CNTNAP2: variants seen among roughly 807,000 people sequenced by gnomAD.
The protein encoded by CNTNAP2 is contactin-associated protein-like 2.
A neutral mutation model predicts 155.2 loss-of-function variants in CNTNAP2; 98 were observed. That is an observed-to-expected ratio of 0.63 (90% CI 0.54 to 0.75). The LOEUF (loss-of-function observed/expected upper bound fraction) is 0.75. Ranked by LOEUF, CNTNAP2 falls within the 30% of genes least tolerant of loss-of-function variation. The pLI, the probability that CNTNAP2 is intolerant of heterozygous loss-of-function variation, is 0.00. For missense variants in CNTNAP2, 1,727 were observed against 1,688.1 expected (o/e 1.02, Z -0.40); for synonymous variants, 651 against 631.2 (o/e 1.03, Z -0.47).
chr7:147,299,600 A>G (rs1183702392), intron 8 of CNTNAP2, among the ~76,000 whole-genome samples: 1 of 152,208 alleles, frequency 6.6e-6, no homozygotes, highest in African/African-American at 2.4e-5. Context: ...TACTTACCAA[A>G]TGTGTTTATT....
intron 14 of CNTNAP2, among the ~76,000 whole-genome samples, chr7:147,939,613 C>T (rs1348854789): frequency 6.6e-6 from 1 of 152,176 alleles, no homozygotes; most frequent in Non-Finnish European, 1.5e-5. Context: ...AGGCGTGAGC[C>T]ACCACGCCTG....
intron 13 of CNTNAP2, among the ~76,000 whole-genome samples, chr7:147,697,864 G>A (rs1481366335): frequency 6.6e-6 from 1 of 152,128 alleles, no homozygotes; most frequent in African/African-American, 2.4e-5. Context: ...GAAGCAAAAG[G>A]GACTCTTTTC....
chr7:148,386,609 A>T (rs1481612426), intron 22 of CNTNAP2, among the ~76,000 whole-genome samples: 1 of 152,204 alleles, frequency 6.6e-6, no homozygotes, highest in African/African-American at 2.4e-5. Flanking sequence ...AACATGAGAG[A>T]CAATGTGGGT....
At chr7:146,258,911 T>C (rs186521884) in intron 1 of CNTNAP2, among the ~76,000 whole-genome samples, 7 of 152,318 alleles carry the variant, frequency 4.6e-5, no homozygotes, top group Admixed American at 4.6e-4. Context: ...CTGAGTGATA[T>C]GGTTTGGCTC....
At chr7:147,524,670 T>G (rs1277084185) in intron 11 of CNTNAP2, among the ~76,000 whole-genome samples, 1 of 152,146 alleles carries the variant, frequency 6.6e-6, no homozygotes, top group East Asian at 1.9e-4. Flanking sequence ...AATTGAAAAC[T>G]CTGCTTGAGG....
chr7:147,149,412 A>T (rs1444565862), intron 8 of CNTNAP2, among the ~76,000 whole-genome samples: 1 of 152,186 alleles, frequency 6.6e-6, no homozygotes, highest in Non-Finnish European at 1.5e-5. Flanking sequence ...TCCCCACTCG[A>T]CCCAGGAAGT....
At chr7:148,298,340 G>A (rs548811718) in intron 21 of CNTNAP2, among the ~76,000 whole-genome samples, 2 of 152,284 alleles carry the variant, frequency 1.3e-5, no homozygotes, top group African/African-American at 2.4e-5. Flanking sequence ...TTGGAGATAC[G>A]TTTTTAAGTC....
At chr7:146,391,770 TG>T (rs68035933) in intron 1 of CNTNAP2, among the ~76,000 whole-genome samples, 20,263 of 152,038 alleles carry the variant, frequency 0.13, 1,654 homozygotes, top group African/African-American at 0.23. Context: ...TTGTTGTTGT[TG>T]TTGTTGGCTA....
intron 10 of CNTNAP2, among the ~76,000 whole-genome samples, chr7:147,476,597 CTT>C (rs1447756502): frequency 1.3e-5 from 2 of 151,842 alleles, no homozygotes; most frequent in Non-Finnish European, 2.9e-5. Context: ...TACCCATAAA[CTT>C]TTCCTAGTCT....
At chr7:147,415,868 A>G (rs1218846695) in intron 10 of CNTNAP2, among the ~76,000 whole-genome samples, 2 of 152,208 alleles carry the variant, frequency 1.3e-5, no homozygotes, top group African/African-American at 4.8e-5. Context: ...GCCAAGGTGC[A>G]TGGTCACCTT....
chr7:147,979,064 A>G (rs1026110751), intron 15 of CNTNAP2, among the ~76,000 whole-genome samples: 1 of 152,206 alleles, frequency 6.6e-6, no homozygotes, highest in African/African-American at 2.4e-5. Flanking sequence ...ACTCAAAGAG[A>G]TGTCCTAAGG....
At position 146,905,950 on chromosome 7, in the gene CNTNAP2, C is replaced by T. The variant is rs368523369; in HGVS notation, c.402+66046C>T. ...AGGCCAGTGGGTGCACGCACCACAC[C>T]GTGCGCGAGCCGAAGCAGGGCGAGG... On this transcript the variant is annotated intron_variant, in intron 3 of 23. Transcript: ENST00000361727. Among the ~76,000 whole-genome samples, 10 of 152,266 alleles carry T rather than the reference C, an allele frequency of 6.6e-5. No homozygotes were observed. The South Asian group carries it at 1.2e-3, about 19-fold the overall frequency.
chr7:146,484,218 G>A (rs527321171), intron 1 of CNTNAP2, among the ~76,000 whole-genome samples: 1 of 152,136 alleles, frequency 6.6e-6, no homozygotes, highest in Non-Finnish European at 1.5e-5. Context: ...GTACCATTTA[G>A]GTTTGGTTAA....
intron 1 of CNTNAP2, among the ~76,000 whole-genome samples, chr7:146,680,549 A>G (rs1477409742): frequency 6.6e-6 from 1 of 152,200 alleles, no homozygotes; most frequent in Non-Finnish European, 1.5e-5. Context: ...TAGTGTTCTC[A>G]GAAGTCATTC....
intron 12 of CNTNAP2, among the ~76,000 whole-genome samples, chr7:147,609,760 G>A (rs1303426824): frequency 6.6e-6 from 1 of 152,054 alleles, no homozygotes; most frequent in Non-Finnish European, 1.5e-5. Flanking sequence ...ACACAAATTT[G>A]TTACCTACAG....
chr7:147,507,830 C>T lies in CNTNAP2; in HGVS notation c.1777+21789C>T, dbSNP rs563476556. Among the ~76,000 whole-genome samples, 102 of 152,158 alleles carry T rather than the reference C, an allele frequency of 6.7e-4. 1 individual carries two copies. The East Asian group carries it at 8.2e-3, about 12-fold the overall frequency. ...CCTCCCAAAGTGCTGAGATTACAGG[C>T]GTGAGCCACCGCGCCTGGCCACTTT... On this transcript the variant is annotated intron_variant, in intron 11 of 23. Coordinates refer to ENST00000361727, the MANE Select transcript of CNTNAP2 (RefSeq NM_014141.6).
At chr7:146,234,924 T>C (rs1799446892) in intron 1 of CNTNAP2, among the ~76,000 whole-genome samples, 1 of 152,196 alleles carries the variant, frequency 6.6e-6, no homozygotes, top group Non-Finnish European at 1.5e-5. Context: ...TCTGTGATAA[T>C]ATTGAAATTG....
rs539829601 is a variant in CNTNAP2 at position 147,621,306 on chromosome 7, G to A, written c.1898-17800G>A. On this transcript the variant is annotated intron_variant, in intron 12 of 23. Coordinates refer to ENST00000361727, the MANE Select transcript of CNTNAP2 (RefSeq NM_014141.6). ...AATCACCTGAAAGTACAAACTCACT[G>A]GTAATATTAAGTACACAGAAAAACA... 1.2e-3 allele frequency among the ~76,000 whole-genome samples: 175 copies of A among 151,986 alleles called. 1 individual carries two copies. Among genetic ancestry groups the A allele is most frequent in the Non-Finnish European group, 9.9e-4 (67 of 67,906 alleles).
intron 5 of CNTNAP2, among the ~76,000 whole-genome samples, chr7:147,120,668 C>T (rs1049391485): frequency 6.6e-6 from 1 of 150,580 alleles, no homozygotes; most frequent in Non-Finnish European, 1.5e-5. Context: ...TTTTAGGGTA[C>T]ATGTGCACAA....
Sources: gnomAD v4.1 joint callset for allele counts (sites outside exome capture counted in the v4.1 genomes callset) on GRCh38, gnomAD v4.1.1 for gene constraint, MANE v1.5 for transcripts, NCBI Gene and HGNC (gene_info 2026-07-23, HGNC 2026-07-21) for gene names.